Variants in PRKCA observed in about 807,000 individuals in gnomAD.
PRKCA encodes protein kinase C alpha type.
A neutral mutation model predicts 87.0 loss-of-function variants in PRKCA; 27 were observed. The observed-to-expected ratio is 0.31, with a 90% CI of 0.23 to 0.43. The LOEUF is 0.43. PRKCA is among the 20% of genes least tolerant of loss of function. PRKCA has a pLI of 1.00. For synonymous variants in PRKCA, 329 were observed against 311.1 expected (o/e 1.06, Z -0.61); for missense variants, 518 against 852.3 (o/e 0.61, Z 4.88).
intron 14 of PRKCA, among the ~76,000 whole-genome samples, chr17:66,782,903 C>T (rs1050077135): frequency 3.9e-5 from 6 of 152,212 alleles, no homozygotes; most frequent in African/African-American, 1.2e-4. Context: ...TGTCCTGAGA[C>T]TGATTTGCGG....
chr17:66,593,186 CAT>C (rs1253468725), intron 3 of PRKCA, among the ~76,000 whole-genome samples: 1 of 152,204 alleles, frequency 6.6e-6, no homozygotes, highest in Non-Finnish European at 1.5e-5. Context: ...GTAATAAAGA[CAT>C]ATGAAATTAG....
At chr17:66,404,384 C>T (rs1227334203) in intron 2 of PRKCA, among the ~76,000 whole-genome samples, 4 of 152,176 alleles carry the variant, frequency 2.6e-5, no homozygotes, top group Non-Finnish European at 5.9e-5. Flanking sequence ...ATGGGGGCGG[C>T]GGAGGGGAAA....
At chr17:66,652,812 C>T (rs1971626049) in intron 5 of PRKCA, among the ~76,000 whole-genome samples, 1 of 152,214 alleles carries the variant, frequency 6.6e-6, no homozygotes, top group South Asian at 2.1e-4. Flanking sequence ...CAGAGCGCCT[C>T]AGCAGTTAAG....
At chr17:66,741,862 C>G in intron 12 of PRKCA, 141 bp downstream of exon 12, 1 of 716,210 alleles carries the variant, frequency 1.4e-6, no homozygotes, top group Admixed American at 3.0e-5. Flanking sequence ...GACCCACCTT[C>G]CTCCTCACCC....
In PRKCA at chr17:66,788,884, G is replaced by C. The variant is rs779879529; in HGVS notation, c.1759G>C (p.Gly587Arg). 16 of 1,613,996 alleles carry C rather than the reference G, an allele frequency of 9.9e-6. No individual in the cohort carries two copies. Among genetic ancestry groups the C allele is most frequent in the Admixed American group, 1.7e-5 (1 of 59,988 alleles). ...CAAGCGGCTGGGCTGTGGGCCTGAG[G>C]GGGAGAGGGACGTGAGAGAGCATGC... ...PAKRLGCGPEGERDVREHAFF... is the reference protein window; with the variant it reads ...PAKRLGCGPERERDVREHAFF... The change falls in exon 16 of 17, where the codon GGG (glycine) becomes CGG (arginine). Residue 587 changes from glycine (G) to arginine (R), a missense_variant. This residue lies in a region of PRKCA where 159 missense variants were observed against 232.4 expected (regional missense o/e 0.68). Transcript: ENST00000413366.
At chr17:66,485,220 C>T (rs886320272) in intron 2 of PRKCA, among the ~76,000 whole-genome samples, 2 of 152,144 alleles carry the variant, frequency 1.3e-5, no homozygotes, top group Non-Finnish European at 2.9e-5. Context: ...AAAGAATGAA[C>T]GATGCTCCCC....
At chr17:66,326,996 G>A (rs573808990) in intron 2 of PRKCA, among the ~76,000 whole-genome samples, 8 of 152,196 alleles carry the variant, frequency 5.3e-5, no homozygotes, top group African/African-American at 1.9e-4. Context: ...TTGAGCCCTG[G>A]AGTTGAAGGC....
intron 2 of PRKCA, among the ~76,000 whole-genome samples, chr17:66,356,926 A>AT (rs1310498642): frequency 6.6e-6 from 1 of 151,784 alleles, no homozygotes; most frequent in Non-Finnish European, 1.5e-5. Context: ...CTATTTATTG[A>AT]TTTTTTACTT....
intron 3 of PRKCA, among the ~76,000 whole-genome samples, chr17:66,498,125 TC>T (rs1466893068): frequency 6.7e-6 from 1 of 150,232 alleles, no homozygotes; most frequent in African/African-American, 2.5e-5. Context: ...TCCCCTGCCC[TC>T]CCCCCTGCTC....
chr17:66,472,930 T>C (rs997980051), intron 2 of PRKCA, among the ~76,000 whole-genome samples: 1 of 152,196 alleles, frequency 6.6e-6, no homozygotes, highest in African/African-American at 2.4e-5. Flanking sequence ...TGCCAGACTT[T>C]AGTCAGAGCC....
At chr17:66,569,858 G>A (rs1293634472) in intron 3 of PRKCA, among the ~76,000 whole-genome samples, 1 of 152,182 alleles carries the variant, frequency 6.6e-6, no homozygotes, top group East Asian at 1.9e-4. Flanking sequence ...ATTGACTAAA[G>A]CTGAATACAC....
intron 8 of PRKCA, among the ~76,000 whole-genome samples, chr17:66,715,268 G>A (rs555065133): frequency 6.7e-4 from 102 of 152,038 alleles, no homozygotes; most frequent in African/African-American, 1.8e-3. Flanking sequence ...GCTTGGGTGC[G>A]TTTTTTGTTA....
At chr17:66,763,530 C>CTT (rs1260221628) in intron 13 of PRKCA, among the ~76,000 whole-genome samples, 3 of 152,176 alleles carry the variant, frequency 2.0e-5, no homozygotes, top group African/African-American at 7.2e-5. Flanking sequence ...CTCTGGGGTC[C>CTT]TGTGTTCTAT....
intron 16 of PRKCA, among the ~76,000 whole-genome samples, chr17:66,798,475 GGTGGT>G (rs1568041005): frequency 1.6e-5 from 2 of 122,046 alleles, no homozygotes; most frequent in Non-Finnish European, 3.5e-5. Flanking sequence ...TGGTGGTGGT[GGTGGT>G]GGTGGTGACG....
At chr17:66,510,000 TGTC>T (rs1682756668) in intron 3 of PRKCA, among the ~76,000 whole-genome samples, 1 of 152,208 alleles carries the variant, frequency 6.6e-6, no homozygotes, top group African/African-American at 2.4e-5. Flanking sequence ...CTTATTTTGT[TGTC>T]GTGGTGGTTC....
Position 66,588,346 on chromosome 17 carries a change from A to T in PRKCA, c.289-53009A>T, listed in dbSNP as rs541790808. The stretch of plus-strand genomic sequence containing the variant: ...AAGAGAGGTGATGCTTTACTCACTG[A>T]TTGGTAGAAATTCCTTACATATTCT... On this transcript the variant is annotated intron_variant, in intron 3 of 16. Coordinates refer to ENST00000413366, the MANE Select transcript of PRKCA (RefSeq NM_002737.3). Among the ~76,000 whole-genome samples, 4 of 152,196 alleles carry T rather than the reference A, an allele frequency of 2.6e-5. No homozygotes were observed. In the East Asian group the frequency reaches 7.8e-4, roughly 30 times the overall value.
intron 5 of PRKCA, among the ~76,000 whole-genome samples, chr17:66,654,308 G>C (rs1345203715): frequency 6.6e-6 from 1 of 152,226 alleles, no homozygotes; most frequent in Non-Finnish European, 1.5e-5. Flanking sequence ...CTTAGATCCT[G>C]TGAGAAGAGA....
chr17:66,790,650 C>T (rs1442905941), intron 16 of PRKCA, among the ~76,000 whole-genome samples: 1 of 152,226 alleles, frequency 6.6e-6, no homozygotes, highest in Admixed American at 6.5e-5. Flanking sequence ...TGCGTACTGA[C>T]CCCGCCTTGA....
At chr17:66,566,480 GTTTTTT>G (rs56912157) in intron 3 of PRKCA, among the ~76,000 whole-genome samples, 5 of 97,022 alleles carry the variant, frequency 5.2e-5, no homozygotes, top group African/African-American at 1.5e-4. Context: ...TTGTTTTTTG[GTTTTTT>G]TTTTTTTTTT....
Sources: gnomAD v4.1 joint callset for allele counts (sites outside exome capture counted in the v4.1 genomes callset) on GRCh38, gnomAD v4.1.1 for gene constraint, gnomAD v4.1.1 regional missense constraint, MANE v1.5 for transcripts, NCBI Gene and HGNC (gene_info 2026-07-23, HGNC 2026-07-21) for gene names.